The following TMCC3 variants were observed in gnomAD, a reference collection of about 807,000 sequenced individuals.
TMCC3 encodes transmembrane and coiled-coil domain protein 3.
TMCC3 carries 28 observed loss-of-function variants against 40.2 expected under a neutral mutation model. That is an observed-to-expected ratio of 0.70 (90% CI 0.52 to 0.95). The LOEUF is 0.95. Among genes scored for constraint, TMCC3 ranks in the 40% least tolerant of loss-of-function variants. TMCC3 has a pLI of 0.00. For missense variants in TMCC3, 554 were observed against 615.2 expected (o/e 0.90, Z 1.05); for synonymous variants, 255 against 248.5 (o/e 1.03, Z -0.25).
At chr12:94,622,271 C>A (rs951486156) in intron 1 of TMCC3, among the ~76,000 whole-genome samples, 1 of 152,158 alleles carries the variant, frequency 6.6e-6, no homozygotes, top group African/African-American at 2.4e-5. Flanking sequence ...AAGCATCCAG[C>A]AAGCTTTAAT....
intron 3 of TMCC3, among the ~76,000 whole-genome samples, chr12:94,573,311 G>A (rs1421308395): frequency 6.6e-6 from 1 of 152,146 alleles, no homozygotes; most frequent in Non-Finnish European, 1.5e-5. Flanking sequence ...CCCAATCTAA[G>A]TCACCGGGAT....
chr12:94,629,276 G>A (rs1157060390), intron 1 of TMCC3, among the ~76,000 whole-genome samples: 1 of 152,140 alleles, frequency 6.6e-6, no homozygotes, highest in Non-Finnish European at 1.5e-5. Context: ...AAGCAGGAAG[G>A]GAGGGTGGGC....
chr12:94,639,576 T>A (rs1368417408), intron 1 of TMCC3, among the ~76,000 whole-genome samples: 1 of 151,590 alleles, frequency 6.6e-6, no homozygotes, highest in Non-Finnish European at 1.5e-5. Context: ...CGAGACTCTA[T>A]CTCATAAATA....
At chr12:94,633,995 G>A (rs974752518) in intron 1 of TMCC3, among the ~76,000 whole-genome samples, 15 of 151,116 alleles carry the variant, frequency 9.9e-5, no homozygotes, top group African/African-American at 3.7e-4. Context: ...GCCCAGGCTG[G>A]AGTACAATGG....
intron 1 of TMCC3, chr12:94,616,223 A>G (rs548569253): frequency 1.3e-5 from 6 of 449,204 alleles, no homozygotes; most frequent in Non-Finnish European, 1.5e-5. Context: ...TCCACATTCT[A>G]TATCTTTGCA....
rs141160185 is a variant in TMCC3, at chr12:94,602,285, G to A, written c.79-19747C>T. Among the ~76,000 whole-genome samples the A allele has an allele frequency of 7.4e-3, 1,119 of 152,244 alleles. 9 individuals are homozygous for A. The highest frequency in any genetic ancestry group is 0.01 in the Non-Finnish European group (692 of 68,012). On this transcript the variant is annotated intron_variant, in intron 1 of 3. Transcript: ENST00000261226. The stretch of plus-strand genomic sequence containing the variant: ...TATAAGATTAGGGATTGGTTTTTTA[G>A]TTGCAGAGATCACAGACTCAGAACT...
chr12:94,626,945 C>T (rs573219214), intron 1 of TMCC3, among the ~76,000 whole-genome samples: 1 of 152,296 alleles, frequency 6.6e-6, no homozygotes, highest in African/African-American at 2.4e-5. Flanking sequence ...ACTGCAACCT[C>T]CACCTCCTGG....
chr12:94,592,727 G>C (rs1209730024), intron 1 of TMCC3, among the ~76,000 whole-genome samples: 1 of 146,076 alleles, frequency 6.8e-6, no homozygotes, highest in Non-Finnish European at 1.5e-5. Context: ...CATTACTCTG[G>C]AATTAGGGAT....
At chr12:94,574,172 C>T (rs551631365) in intron 3 of TMCC3, among the ~76,000 whole-genome samples, 1 of 152,124 alleles carries the variant, frequency 6.6e-6, no homozygotes, top group South Asian at 2.1e-4. Context: ...CACTTGAGAT[C>T]AGGAGTTCAA....
At chr12:94,603,552 C>T (rs1317593605) in intron 1 of TMCC3, among the ~76,000 whole-genome samples, 1 of 152,156 alleles carries the variant, frequency 6.6e-6, no homozygotes, top group African/African-American at 2.4e-5. Flanking sequence ...AGAAGCCACA[C>T]ACAAAAATGT....
chr12:94,581,987 G>C lies in TMCC3; in HGVS notation c.630C>G (p.Ile210Met). The change falls in exon 2 of 4, where the codon ATC (isoleucine) becomes ATG (methionine). Residue 210 changes from isoleucine to methionine, a missense_variant. Coordinates refer to ENST00000261226, the MANE Select transcript of TMCC3 (RefSeq NM_020698.4). ...TGTCGGCGCTGCCAAACTTATTCCG[G>C]ATCAGGTTGGCAAACTCTCTGGACT... is the stretch of plus-strand genomic sequence containing the variant. ...FNKSREFANL[I>M]RNKFGSADNI... 2 of 1,614,180 alleles carry C rather than the reference G, an allele frequency of 1.2e-6. No individual in the cohort carries two copies. Among genetic ancestry groups the C allele is most frequent in the Non-Finnish European group, 8.5e-7 (1 of 1,180,044 alleles).
At chr12:94,604,570 C>T (rs936237788) in intron 1 of TMCC3, among the ~76,000 whole-genome samples, 8 of 148,228 alleles carry the variant, frequency 5.4e-5, no homozygotes, top group Non-Finnish European at 8.9e-5. Flanking sequence ...CTCTGGGGAC[C>T]GAGGCAGGAG....
rs747272675 is a variant in TMCC3, at chr12:94,650,410, C to A, written c.21G>T (p.Ala7=). The change falls in exon 1 of 4, where the codon GCG becomes GCT. Residue 7 remains alanine, a synonymous_variant. Transcript: ENST00000261226. Reference sequence around the variant, plus strand: ...ACGAGTAGGTCCGGTCCACGGTGAGCGCCGTGTCGCTGCCCGGCATCTCCG... The same window carrying A: ...ACGAGTAGGTCCGGTCCACGGTGAGAGCCGTGTCGCTGCCCGGCATCTCCG... MPGSDT[A]LTVDRTYSYP... is the part of the protein sequence containing the mutation. 4.6e-6 allele frequency: 6 copies of A among 1,313,350 alleles called. No individual in the cohort carries two copies. Among genetic ancestry groups the A allele is most frequent in the Non-Finnish European group, 5.9e-6 (6 of 1,025,022 alleles). 81.4% of individuals were successfully genotyped at this position (1,313,350 alleles called of 1,614,324 possible). A position where few individuals can be genotyped will look rare whatever the true frequency, so the allele number is the denominator to read the frequency against.
Position 94,650,404 on chromosome 12 carries a change from G to A in TMCC3, c.27C>T (p.Thr9=), listed in dbSNP as rs1372403361. The A allele has an allele frequency of 3.0e-6, 4 of 1,324,336 alleles. No homozygotes were observed. Among genetic ancestry groups the A allele is most frequent in the Non-Finnish European group, 3.9e-6 (4 of 1,029,722 alleles). 82.0% of individuals were successfully genotyped at this position (1,324,336 alleles called of 1,614,324 possible). A position where few individuals can be genotyped will look rare whatever the true frequency, so the allele number is the denominator to read the frequency against. The change falls in exon 1 of 4, where the codon ACC becomes ACT. Residue 9 remains threonine, a synonymous_variant. Coordinates refer to ENST00000261226, the MANE Select transcript of TMCC3 (RefSeq NM_020698.4). ...CGGGGTACGAGTAGGTCCGGTCCAC[G>A]GTGAGCGCCGTGTCGCTGCCCGGCA... is the stretch of plus-strand genomic sequence containing the variant. The part of the protein sequence containing the change: MPGSDTAL[T]VDRTYSYPGR...
chr12:94,621,422 T>C, intron 1 of TMCC3, among the ~76,000 whole-genome samples: 1 of 152,164 alleles, frequency 6.6e-6, no homozygotes. Flanking sequence ...GACAGCCGCC[T>C]TTCTACCTCC....
Position 94,570,830 on chromosome 12 carries a change from CAGGT to C in TMCC3, c.*601_*604del, listed in dbSNP as rs1329501022. ...CCATTTAAAGTGTAACAAAACCCCT[CAGGT>C]AGACTTGTTGGATAACAGGTGTGTG... On this transcript the variant is annotated 3_prime_UTR_variant, in exon 4 of 4. Transcript: ENST00000261226. The C allele has an allele frequency of 6.5e-6, 1 of 152,908 alleles. No homozygotes were observed. The highest frequency in any genetic ancestry group is 1.5e-5 in the Non-Finnish European group (1 of 68,264). 9.5% of individuals were successfully genotyped at this position (152,908 alleles called of 1,614,324 possible).
At chr12:94,606,508 A>G (rs1314492489) in intron 1 of TMCC3, among the ~76,000 whole-genome samples, 13 of 151,994 alleles carry the variant, frequency 8.6e-5, no homozygotes, top group African/African-American at 2.4e-5. Flanking sequence ...GTGGGACTAC[A>G]GGTGTACACC....
At chr12:94,578,553 C>A in intron 2 of TMCC3, 24 bp from the exon 3 acceptor site, 2 of 1,604,900 alleles carry the variant, frequency 1.2e-6, no homozygotes, top group Non-Finnish European at 1.7e-6. Flanking sequence ...GAGCCGATTC[C>A]CAGTGTGACC....
chr12:94,580,867 A>G (rs1237232593), intron 2 of TMCC3, among the ~76,000 whole-genome samples: 1 of 152,194 alleles, frequency 6.6e-6, no homozygotes, highest in Non-Finnish European at 1.5e-5. Flanking sequence ...TCAAATATAG[A>G]TCTCTGAATT....
Sources: allele counts gnomAD v4.1 joint callset (sites outside exome capture counted in the v4.1 genomes callset), GRCh38; gene constraint gnomAD v4.1.1; transcripts MANE v1.5; gene names NCBI Gene and HGNC (gene_info 2026-07-23, HGNC 2026-07-21).